The following PTPRA variants were observed in gnomAD, a reference collection of about 807,000 sequenced individuals.
PTPRA encodes the protein receptor-type tyrosine-protein phosphatase alpha.
A neutral mutation model predicts 104.8 loss-of-function variants in PTPRA; 25 were observed. That is an observed-to-expected ratio of 0.24 (90% CI 0.17 to 0.33). The LOEUF (loss-of-function observed/expected upper bound fraction) is 0.33, where lower values mean the gene tolerates loss of function less well. Among genes scored for constraint, PTPRA ranks in the 10% least tolerant of loss-of-function variants. The pLI is 1.00. For missense variants in PTPRA, 765 were observed against 1,015.3 expected (o/e 0.75, Z 3.35); for synonymous variants, 323 against 368.9 (o/e 0.88, Z 1.43).
At chr20:2,957,237 A>G (rs2061568915) in intron 3 of PTPRA, among the ~76,000 whole-genome samples, 1 of 152,246 alleles carries the variant, frequency 6.6e-6, no homozygotes, top group Non-Finnish European at 1.5e-5. Context: ...CTGAGCCGAG[A>G]TCGCGCCACA....
intron 22 of PTPRA, among the ~76,000 whole-genome samples, chr20:3,036,655 C>T (rs914933855): frequency 6.6e-6 from 1 of 152,246 alleles, no homozygotes; most frequent in Non-Finnish European, 1.5e-5. Flanking sequence ...AGAGTAGGCA[C>T]TCAGTGTCTG....
At chr20:3,002,574 G>T (rs867932277) in intron 9 of PTPRA, among the ~76,000 whole-genome samples, 1 of 151,956 alleles carries the variant, frequency 6.6e-6, no homozygotes, top group Non-Finnish European at 1.5e-5. Context: ...TGATCCACCC[G>T]CCTCGGCCTC....
At chr20:2,958,556 C>T (rs1030103581) in intron 3 of PTPRA, among the ~76,000 whole-genome samples, 1 of 148,148 alleles carries the variant, frequency 6.8e-6, no homozygotes, top group Non-Finnish European at 1.5e-5. Context: ...TACAGTGGCT[C>T]ACACCTATAA....
intron 2 of PTPRA, among the ~76,000 whole-genome samples, chr20:2,946,646 G>C (rs1215779233): frequency 6.6e-6 from 1 of 151,916 alleles, no homozygotes; most frequent in Non-Finnish European, 1.5e-5. Context: ...TCAGGAGTTT[G>C]ACACCAGCCT....
chr20:2,911,456 A>G (rs773411238), intron 1 of PTPRA, among the ~76,000 whole-genome samples: 8 of 152,236 alleles, frequency 5.3e-5, no homozygotes, highest in Non-Finnish European at 1.2e-4. Context: ...TATGTGAAGC[A>G]TGCTGTCATT....
intron 16 of PTPRA, among the ~76,000 whole-genome samples, chr20:3,023,691 T>C (rs1254744473): frequency 2.0e-5 from 3 of 152,158 alleles, no homozygotes; most frequent in African/African-American, 7.2e-5. Flanking sequence ...CACATCCCCT[T>C]AGCCGAGATA....
At chr20:2,884,718 G>T (rs1200096790) in intron 1 of PTPRA, among the ~76,000 whole-genome samples, 1 of 151,574 alleles carries the variant, frequency 6.6e-6, no homozygotes, top group African/African-American at 2.4e-5. Context: ...TGGGTTGTGT[G>T]TTCAGCTGTT....
intron 12 of PTPRA, among the ~76,000 whole-genome samples, chr20:3,016,268 G>A (rs899416039): frequency 1.1e-4 from 16 of 152,168 alleles, no homozygotes; most frequent in African/African-American, 3.9e-4. Context: ...GGTCCAGGCT[G>A]GTTCTCCCCC....
intron 1 of PTPRA, among the ~76,000 whole-genome samples, chr20:2,883,138 C>T (rs1471312562): frequency 6.6e-6 from 1 of 151,912 alleles, no homozygotes; most frequent in East Asian, 1.9e-4. Flanking sequence ...GCATGCACCA[C>T]CATGCCCAGC....
Position 2,931,460 on chromosome 20 carries a change from G to A in PTPRA, c.-50+8175G>A, listed in dbSNP as rs149107220. ...GGTGATAGACAGTCAGCAGGCACTT[G>A]GAGAATGGTGATGTATGTTCAGAAG... On this transcript the variant is annotated intron_variant, in intron 2 of 23. Coordinates refer to ENST00000399903, the MANE Select transcript of PTPRA (RefSeq NM_001385305.1). 1.0e-3 allele frequency among the ~76,000 whole-genome samples: 154 copies of A among 152,272 alleles called. 2 individuals carry two copies. Among genetic ancestry groups the A allele is most frequent in the South Asian group, 9.7e-3 (47 of 4,826 alleles).
intron 9 of PTPRA, among the ~76,000 whole-genome samples, chr20:2,989,792 C>T (rs375510173): frequency 2.2e-4 from 34 of 152,202 alleles, no homozygotes; most frequent in East Asian, 1.7e-3. Flanking sequence ...CCAAGGCGGG[C>T]GGATCACAAG....
chr20:3,017,675 G>A (rs2064534330), intron 12 of PTPRA, 141 bp from the exon 13 acceptor site: 1 of 659,342 alleles, frequency 1.5e-6, no homozygotes, highest in East Asian at 2.7e-5. Context: ...TTAGTAACGG[G>A]GTGGATGGAT....
intron 2 of PTPRA, among the ~76,000 whole-genome samples, chr20:2,931,810 C>T (rs1762728476): frequency 6.6e-6 from 1 of 152,052 alleles, no homozygotes; most frequent in South Asian, 2.1e-4. Flanking sequence ...TAGCTCACTG[C>T]AGCCTCAAAC....
chr20:2,933,901 G>C (rs946708363), intron 2 of PTPRA, among the ~76,000 whole-genome samples: 18 of 152,036 alleles, frequency 1.2e-4, no homozygotes, highest in Non-Finnish European at 1.9e-4. Context: ...TTAATATTTA[G>C]GAAGGCTACC....
chr20:3,010,571 T>C (rs879786084), intron 11 of PTPRA, among the ~76,000 whole-genome samples: 1 of 151,776 alleles, frequency 6.6e-6, no homozygotes, highest in Non-Finnish European at 1.5e-5. Flanking sequence ...GAGCTTGCAG[T>C]GAGCCGAGAT....
chr20:2,920,356 A>G (rs2060055910), intron 1 of PTPRA, among the ~76,000 whole-genome samples: 2 of 152,212 alleles, frequency 1.3e-5, no homozygotes, highest in Admixed American at 1.3e-4. Context: ...CCCTGTCTGC[A>G]CATTGGAATC....
chr20:3,023,763 C>T (rs961477670), intron 16 of PTPRA, among the ~76,000 whole-genome samples: 1 of 152,194 alleles, frequency 6.6e-6, no homozygotes, highest in African/African-American at 2.4e-5. Flanking sequence ...GCATGTCCTC[C>T]GTATGCTGAG....
chr20:3,029,540 C>CTTTT (rs71195813), intron 20 of PTPRA, among the ~76,000 whole-genome samples: 7 of 78,084 alleles, frequency 9.0e-5, no homozygotes, highest in African/African-American at 3.3e-4. Flanking sequence ...TCTTCATCAT[C>CTTTT]TTTTTTTTTT....
At chr20:2,900,140 G>GA (rs2059172901) in intron 1 of PTPRA, among the ~76,000 whole-genome samples, 1 of 78,134 alleles carries the variant, frequency 1.3e-5, no homozygotes, top group South Asian at 6.1e-4. Context: ...CGAAAAATCT[G>GA]CCTCCTTTTT....
Sources: gnomAD v4.1 joint callset for allele counts (sites outside exome capture counted in the v4.1 genomes callset) on GRCh38, gnomAD v4.1.1 for gene constraint, MANE v1.5 for transcripts, NCBI Gene and HGNC (gene_info 2026-07-23, HGNC 2026-07-21) for gene names.